GATB: variants seen among roughly 807,000 people sequenced by gnomAD.
GATB encodes glutamyl-tRNA(Gln) amidotransferase subunit B, mitochondrial.
A neutral mutation model predicts 62.3 loss-of-function variants in GATB; 39 were observed. The observed-to-expected ratio is 0.63, with a 90% CI of 0.48 to 0.82. The LOEUF (loss-of-function observed/expected upper bound fraction) is 0.82. GATB is among the 40% of genes least tolerant of loss of function. GATB has a pLI of 0.00. For missense variants in GATB, 670 were observed against 684.0 expected, an observed-to-expected ratio of 0.98 and a Z score of 0.23; for synonymous variants, 276 against 258.9, an observed-to-expected ratio of 1.07 and a Z score of -0.63.
chr4:151,697,953 G>GTGTGTATATATA (rs1186735671), intron 9 of GATB, among the ~76,000 whole-genome samples: 4 of 40,598 alleles, frequency 9.9e-5, no homozygotes, highest in African/African-American at 5.4e-4. Flanking sequence ...GTGTGTGTGT[G>GTGTGTATATATA]TATATATATA....
At chr4:151,708,193 C>T in intron 5 of GATB, 92 bp from the exon 6 acceptor site, 2 of 802,516 alleles carry the variant, frequency 2.5e-6, no homozygotes, top group East Asian at 2.6e-5. Flanking sequence ...CAGCATCTAA[C>T]TCTACCTGCT....
chr4:151,679,307 G>C lies in GATB; in HGVS notation c.1410+506C>G, dbSNP rs574062152. Among the ~76,000 whole-genome samples the C allele has an allele frequency of 6.1e-4, 93 of 152,206 alleles. 1 individual carries two copies. The highest frequency in any genetic ancestry group is 7.5e-4 in the Non-Finnish European group (51 of 68,040). ...CTGCTTAGGATGATGCTATTTTTCT[G>C]AGTTTTCACACACCGGGCATGTCTG... On this transcript the variant is annotated intron_variant, in intron 11 of 12. Coordinates refer to ENST00000263985, the MANE Select transcript of GATB (RefSeq NM_004564.3).
rs1216069393 is a variant in GATB, at chr4:151,730,342, C to T, written c.328-10804G>A. 1.3e-5 allele frequency among the ~76,000 whole-genome samples: 2 copies of T among 152,218 alleles called. No individual in the cohort carries two copies. The highest frequency in any genetic ancestry group is 4.8e-5 in the African/African-American group (2 of 41,456). On this transcript the variant is annotated intron_variant, in intron 2 of 12. Transcript: ENST00000263985. The surrounding 1 kb of genome is among the most constrained non-coding windows in gnomAD (Gnocchi z 4.1). ...CACCTGATGGTCCTTCCCTACTCAA[C>T]CTGGTAACAGAAGACGAAGGACATA... is the stretch of plus-strand genomic sequence containing the variant.
At position 151,670,949 on chromosome 4, in the gene GATB, T is replaced by G; in HGVS notation, c.*225A>C. 7.5e-6 allele frequency: 4 copies of G among 536,908 alleles called. No individual in the cohort carries two copies. Among genetic ancestry groups the G allele is most frequent in the Admixed American group, 3.1e-5 (1 of 32,514 alleles). The allele number at this position is 536,908 out of a possible 1,614,324, so 33.3% of individuals were successfully genotyped here. On this transcript the variant is annotated 3_prime_UTR_variant, in exon 13 of 13. Coordinates refer to ENST00000263985, the MANE Select transcript of GATB (RefSeq NM_004564.3). ...CTGCAGCCTCACCGGACCCTCCTGA[T>G]GTGGATGAAGCAGGCGGGGTGGCTG...
intron 5 of GATB, among the ~76,000 whole-genome samples, chr4:151,715,064 C>T (rs1206323072): frequency 6.6e-6 from 1 of 152,194 alleles, no homozygotes; most frequent in African/African-American, 2.4e-5. Context: ...CAGAAGTCCC[C>T]CTGTAACATG....
At chr4:151,759,568 C>T (rs1739907452) in intron 1 of GATB, among the ~76,000 whole-genome samples, 1 of 152,164 alleles carries the variant, frequency 6.6e-6, no homozygotes, top group African/African-American at 2.4e-5. Flanking sequence ...TCCCCCAAAT[C>T]ACTTTCAATT....
At chr4:151,712,754 C>T (rs1014873364) in intron 5 of GATB, among the ~76,000 whole-genome samples, 4 of 152,178 alleles carry the variant, frequency 2.6e-5, no homozygotes, top group African/African-American at 9.7e-5. Context: ...GAGCACCGAA[C>T]ATGTATCCAG....
At chr4:151,749,452 C>A (rs540154005) in intron 2 of GATB, among the ~76,000 whole-genome samples, 2 of 144,074 alleles carry the variant, frequency 1.4e-5, no homozygotes, top group African/African-American at 5.2e-5. Flanking sequence ...TAGGTGAGAA[C>A]TGAACAATAA....
chr4:151,734,400 A>T (rs139512053), intron 2 of GATB, among the ~76,000 whole-genome samples: 1 of 152,216 alleles, frequency 6.6e-6, no homozygotes, highest in African/African-American at 2.4e-5. Context: ...GAGTTGAAGG[A>T]CCTCTACAAG....
At chr4:151,717,142 C>T in intron 3 of GATB, 68 bp from the exon 4 acceptor site, 1 of 1,437,806 alleles carries the variant, frequency 7.0e-7, no homozygotes, top group Admixed American at 1.7e-5. Context: ...AGTTTACTAT[C>T]CCTTTTACAA....
intron 5 of GATB, among the ~76,000 whole-genome samples, chr4:151,711,918 A>G (rs751901916): frequency 1.3e-5 from 2 of 152,206 alleles, no homozygotes; most frequent in Non-Finnish European, 1.5e-5. Flanking sequence ...CCGTCTGAAT[A>G]GGACTAATCT....
chr4:151,694,070 C>A (rs1578904964), intron 9 of GATB, among the ~76,000 whole-genome samples: 2 of 152,192 alleles, frequency 1.3e-5, no homozygotes, highest in East Asian at 3.8e-4. Context: ...ACGCACCTAA[C>A]ACCACCACTG....
chr4:151,702,298 G>A (rs1401673194), intron 8 of GATB, among the ~76,000 whole-genome samples: 1 of 152,158 alleles, frequency 6.6e-6, no homozygotes, highest in Non-Finnish European at 1.5e-5. Flanking sequence ...ATTTACCCTT[G>A]AGAAATAGAA....
intron 9 of GATB, among the ~76,000 whole-genome samples, chr4:151,697,429 C>G (rs772035398): frequency 6.1e-4 from 93 of 151,688 alleles, no homozygotes; most frequent in Admixed American, 1.2e-3. Context: ...ACTCTGTGTA[C>G]CCAGGGACAC....
In GATB at chr4:151,739,975, G is replaced by A. The variant is rs146749486; in HGVS notation, c.327+18797C>T. The stretch of plus-strand genomic sequence containing the variant: ...ATAAGCTTTCTGCAGAAGCAAGTTC[G>A]TCCTCTACAAGTGAAAAGCCTGCAG... On this transcript the variant is annotated intron_variant, in intron 2 of 12. Coordinates refer to ENST00000263985, the MANE Select transcript of GATB (RefSeq NM_004564.3). Among the ~76,000 whole-genome samples, 738 of 152,298 alleles carry A rather than the reference G, an allele frequency of 4.8e-3. 3 individuals carry two copies. The highest frequency in any genetic ancestry group is 0.016 in the African/African-American group (679 of 41,562).
intron 2 of GATB, among the ~76,000 whole-genome samples, chr4:151,756,118 G>A (rs1414523695): frequency 6.6e-6 from 1 of 152,200 alleles, no homozygotes; most frequent in South Asian, 2.1e-4. Flanking sequence ...AGAGGGCGGG[G>A]AAGAAGCAGG....
intron 8 of GATB, among the ~76,000 whole-genome samples, chr4:151,701,744 A>C (rs1200627933): frequency 6.6e-6 from 1 of 152,220 alleles, no homozygotes; most frequent in Non-Finnish European, 1.5e-5. Context: ...TGAGTGAAAG[A>C]AGCACAACAC....
At position 151,729,659 on chromosome 4, in the gene GATB, T is replaced by C. The variant is rs140390762; in HGVS notation, c.328-10121A>G. On this transcript the variant is annotated intron_variant, in intron 2 of 12. Transcript: ENST00000263985. Reference sequence around the variant, plus strand: ...AAATCTAGGTGCAGGATGGATTTCATTGTGCTATTCTTTCAACTTTTCTGT... The same window carrying C: ...AAATCTAGGTGCAGGATGGATTTCACTGTGCTATTCTTTCAACTTTTCTGT... 5.3e-3 allele frequency among the ~76,000 whole-genome samples: 800 copies of C among 152,318 alleles called. 5 individuals carry two copies. Among genetic ancestry groups the C allele is most frequent in the South Asian group, 0.027 (129 of 4,824 alleles).
intron 3 of GATB, among the ~76,000 whole-genome samples, chr4:151,717,690 A>G (rs1160271153): frequency 6.6e-6 from 1 of 152,202 alleles, no homozygotes; most frequent in Non-Finnish European, 1.5e-5. Context: ...TAAAGCACTG[A>G]TGGATCCTGC....
Sources: allele counts gnomAD v4.1 joint callset (sites outside exome capture counted in the v4.1 genomes callset), GRCh38; gene constraint gnomAD v4.1.1; non-coding constraint Gnocchi (gnomAD v3.1); transcripts MANE v1.5; gene names NCBI Gene and HGNC (gene_info 2026-07-23, HGNC 2026-07-21).